The following KSR1 variants were observed in gnomAD, a reference collection of about 807,000 sequenced individuals.
The protein encoded by KSR1 is kinase suppressor of ras.
KSR1 carries 35 observed loss-of-function variants against 92.9 expected under a neutral mutation model. That is an observed-to-expected ratio of 0.38 (90% confidence interval 0.29 to 0.50). KSR1 has a LOEUF of 0.50. Among genes scored for constraint, KSR1 ranks in the 20% least tolerant of loss-of-function variants. The probability of loss-of-function intolerance (pLI) is 0.94; values close to 1 mark genes in which losing one functional copy is unlikely to be tolerated. For synonymous variants in KSR1, 467 were observed against 472.6 expected (o/e 0.99, Z 0.15); for missense variants, 972 against 1,158.5 (o/e 0.84, Z 2.34).
At chr17:27,474,608 A>T (rs2068283118) in intron 1 of KSR1, among the ~76,000 whole-genome samples, 1 of 152,238 alleles carries the variant, frequency 6.6e-6, no homozygotes, top group Non-Finnish European at 1.5e-5. Flanking sequence ...ATGGAAAAGC[A>T]CAATGCCTTG....
At chr17:27,510,259 G>A (rs942605487) in intron 1 of KSR1, among the ~76,000 whole-genome samples, 6 of 152,326 alleles carry the variant, frequency 3.9e-5, no homozygotes, top group African/African-American at 1.2e-4. Context: ...GAAGGTGGCG[G>A]TGCTGCCCCA....
intron 1 of KSR1, among the ~76,000 whole-genome samples, chr17:27,526,044 TTC>T (rs55737393): frequency 0.012 from 1,418 of 122,604 alleles, 89 homozygotes; most frequent in Middle Eastern, 0.032. Flanking sequence ...TTTCTTTTCT[TTC>T]TCTCTCTCTC....
chr17:27,542,924 C>T (rs1194526614), intron 1 of KSR1, among the ~76,000 whole-genome samples: 1 of 152,120 alleles, frequency 6.6e-6, no homozygotes, highest in East Asian at 1.9e-4. Context: ...TGTGATGGTG[C>T]GAGGGGTAGA....
At chr17:27,599,402 A>T (rs1172150579) in intron 10 of KSR1, among the ~76,000 whole-genome samples, 1 of 152,220 alleles carries the variant, frequency 6.6e-6, no homozygotes, top group African/African-American at 2.4e-5. Context: ...TACTAAAAAT[A>T]CAAAATTAGC....
Position 27,610,278 on chromosome 17 carries a change from A to C in KSR1, c.2357+80A>C, listed in dbSNP as rs767388822. ...GTGGCCATTGGGGGCAGAGGGAGGC[A>C]TGCTTTTAGGTGTTGAAAACCCAGG... On this transcript the variant is annotated intron_variant, in intron 17 of 20. Transcript: ENST00000644974. 4 of 1,590,760 alleles carry C rather than the reference A, an allele frequency of 2.5e-6. No homozygotes were observed. In the African/African-American group the frequency reaches 5.4e-5, roughly 21 times the overall value.
rs1477246744 is a variant in KSR1 at position 27,582,948 on chromosome 17, C to T, written c.823C>T (p.Pro275Ser). Residue 275 changes from proline (P) to serine (S), a missense_variant, in exon 4 of 21, where the codon CCC (proline) becomes TCC (serine). This residue lies in a region of KSR1 where 611 missense variants were observed against 668.0 expected (regional missense o/e 0.91). Coordinates refer to ENST00000644974, the MANE Select transcript of KSR1 (RefSeq NM_001394583.1). Reference sequence around the variant, plus strand: ...CAGCTTCATCACCCCGCCCACCACACCCCAGCTGCGACGGCACACCAAGCT... The same window carrying T: ...CAGCTTCATCACCCCGCCCACCACATCCCAGCTGCGACGGCACACCAAGCT... ...LHSFITPPTT[P>S]QLRRHTKLKP... 1.2e-6 allele frequency: 2 copies of T among 1,608,110 alleles called. No homozygotes were observed.
At chr17:27,552,165 G>A (rs989926185) in intron 2 of KSR1, among the ~76,000 whole-genome samples, 7 of 151,992 alleles carry the variant, frequency 4.6e-5, no homozygotes, top group East Asian at 1.9e-4. Context: ...CATCATTCTC[G>A]CCTGCGCACC....
At chr17:27,482,814 A>G (rs1335474102) in intron 1 of KSR1, among the ~76,000 whole-genome samples, 1 of 152,168 alleles carries the variant, frequency 6.6e-6, no homozygotes. Flanking sequence ...GGAAATGCAT[A>G]CAGTTGTTAA....
chr17:27,496,488 C>T (rs2068990240), intron 1 of KSR1, among the ~76,000 whole-genome samples: 1 of 152,200 alleles, frequency 6.6e-6, no homozygotes, highest in Admixed American at 6.5e-5. Flanking sequence ...AAATATGTCT[C>T]AGCCAGATTT....
chr17:27,598,293 G>A (rs1054489707), intron 10 of KSR1, among the ~76,000 whole-genome samples: 6 of 152,148 alleles, frequency 3.9e-5, no homozygotes, highest in South Asian at 2.1e-4. Context: ...GCCACAGGCC[G>A]TCTCCAGCCC....
chr17:27,483,024 T>G (rs1473504488), intron 1 of KSR1, among the ~76,000 whole-genome samples: 1 of 152,238 alleles, frequency 6.6e-6, no homozygotes, highest in Non-Finnish European at 1.5e-5. Flanking sequence ...TTGTGCCCAC[T>G]GCCAAGTTTT....
At chr17:27,616,741 A>G (rs2074066971) in intron 18 of KSR1, among the ~76,000 whole-genome samples, 1 of 152,188 alleles carries the variant, frequency 6.6e-6, no homozygotes, top group South Asian at 2.1e-4. Flanking sequence ...GCTGGTACAC[A>G]TGTGGATCCT....
chr17:27,544,262 C>T (rs1321256180), intron 1 of KSR1, among the ~76,000 whole-genome samples: 1 of 152,150 alleles, frequency 6.6e-6, no homozygotes, highest in African/African-American at 2.4e-5. Flanking sequence ...ACACTGACTC[C>T]TAGGTATGGC....
chr17:27,584,287 G>T (rs574565482), intron 4 of KSR1, among the ~76,000 whole-genome samples: 71 of 152,222 alleles, frequency 4.7e-4, no homozygotes, highest in African/African-American at 1.7e-3. Flanking sequence ...CTTGGGCCTT[G>T]GAGTCATCTT....
At position 27,588,482 on chromosome 17, in the gene KSR1, G is replaced by A. The variant is rs759589641; in HGVS notation, c.993G>A (p.Ser331=). ...CGGCCTCTTTCCCTGCAGATCTCTC[G>A]CATGGATCCCCACAGATGGTACGGA... ...DDVSSMRFDL[S]HGSPQMVRRD... Residue 331 remains serine, a synonymous_variant, in exon 6 of 21, where the codon TCG becomes TCA. Coordinates refer to ENST00000644974, the MANE Select transcript of KSR1 (RefSeq NM_001394583.1). 49 of 1,583,502 alleles carry A rather than the reference G, an allele frequency of 3.1e-5. No individual in the cohort carries two copies. Among genetic ancestry groups the A allele is most frequent in the South Asian group, 2.9e-4 (25 of 84,922 alleles).
At chr17:27,513,206 CTGTG>C (rs2151005380) in intron 1 of KSR1, among the ~76,000 whole-genome samples, 1 of 152,278 alleles carries the variant, frequency 6.6e-6, no homozygotes, top group South Asian at 2.1e-4. Flanking sequence ...ATTTTCATTG[CTGTG>C]TGTTATTCGA....
In KSR1 at chr17:27,582,721, A is replaced by G; in HGVS notation, c.596A>G (p.Asp199Gly). The G allele has an allele frequency of 6.2e-7, 1 of 1,613,752 alleles. No individual in the cohort carries two copies. Among genetic ancestry groups the G allele is most frequent in the South Asian group, 1.1e-5 (1 of 91,052 alleles). ...GAAAGTGGCTCAGGGCCTTCCACGG[A>G]CACCCTCTCAGCAGCCAGCCTGCCC... is the stretch of plus-strand genomic sequence containing the variant. ...RRESGSGPST[D>G]TLSAASLPWP... Residue 199 changes from aspartate (D) to glycine (G), a missense_variant, in exon 4 of 21, where the codon GAC becomes GGC. Coordinates refer to ENST00000644974, the MANE Select transcript of KSR1 (RefSeq NM_001394583.1).
chr17:27,575,128 T>C (rs1402686687), intron 2 of KSR1, among the ~76,000 whole-genome samples: 1 of 152,036 alleles, frequency 6.6e-6, no homozygotes, highest in Admixed American at 6.5e-5. Flanking sequence ...CCTGGGTGAG[T>C]CCACAGAATA....
intron 1 of KSR1, among the ~76,000 whole-genome samples, chr17:27,518,241 G>A (rs2069878055): frequency 6.6e-6 from 1 of 152,162 alleles, no homozygotes; most frequent in African/African-American, 2.4e-5. Flanking sequence ...CTGTAAACAA[G>A]GCCCCAGAGG....
Sources: gnomAD v4.1 joint callset for allele counts (sites outside exome capture counted in the v4.1 genomes callset) on GRCh38, gnomAD v4.1.1 for gene constraint, gnomAD v4.1.1 regional missense constraint, MANE v1.5 for transcripts, NCBI Gene and HGNC (gene_info 2026-07-23, HGNC 2026-07-21) for gene names.